ERC2: variants seen among roughly 807,000 people sequenced by gnomAD.
The protein encoded by ERC2 is ERC protein 2.
In ERC2, 42 loss-of-function variants were observed where a neutral mutation model predicts 114.8. That is an observed-to-expected ratio of 0.37 (90% CI 0.29 to 0.47). The LOEUF (loss-of-function observed/expected upper bound fraction) is 0.47. Ranked by LOEUF, ERC2 falls within the 20% of genes least tolerant of loss-of-function variation. ERC2 has a pLI of 0.99. For synonymous variants in ERC2, 454 were observed against 425.5 expected (o/e 1.07, Z -0.82); for missense variants, 939 against 1,150.7 (o/e 0.82, Z 2.66).
intron 15 of ERC2, among the ~76,000 whole-genome samples, chr3:55,706,124 T>C (rs1172638445): frequency 6.6e-6 from 1 of 152,118 alleles, no homozygotes. Context: ...GGGAAGGAGA[T>C]GGTACATAAA....
chr3:55,832,067 T>C (rs901397127), intron 14 of ERC2, among the ~76,000 whole-genome samples: 2 of 152,198 alleles, frequency 1.3e-5, no homozygotes, highest in Non-Finnish European at 2.9e-5. Flanking sequence ...GCGCCCGCCA[T>C]TGCCCAGGCT....
chr3:55,558,918 C>A (rs968497974), intron 17 of ERC2, among the ~76,000 whole-genome samples: 1 of 152,136 alleles, frequency 6.6e-6, no homozygotes, highest in African/African-American at 2.4e-5. Flanking sequence ...TGCAGATGAC[C>A]AAAAGTGGGT....
intron 3 of ERC2, among the ~76,000 whole-genome samples, chr3:56,248,426 T>G (rs1432211713): frequency 6.6e-6 from 1 of 152,160 alleles, no homozygotes; most frequent in African/African-American, 2.4e-5. Context: ...AAAAATGGGA[T>G]TTAGCCACAA....
At chr3:55,720,263 G>C (rs9872434) in intron 15 of ERC2, among the ~76,000 whole-genome samples, 15,760 of 16,084 alleles carry the variant, frequency 0.98, 7,742 homozygotes, top group Middle Eastern at 1. Flanking sequence ...CTCTCTCTCT[G>C]TCTATCTCTC....
chr3:56,422,944 C>T (rs750183846), intron 2 of ERC2, among the ~76,000 whole-genome samples: 3 of 152,110 alleles, frequency 2.0e-5, no homozygotes, highest in East Asian at 1.9e-4. Context: ...CAGACATGGA[C>T]GAAAACCACC....
At chr3:55,993,035 TG>T (rs2071199328) in intron 10 of ERC2, among the ~76,000 whole-genome samples, 1 of 152,050 alleles carries the variant, frequency 6.6e-6, no homozygotes, top group Non-Finnish European at 1.5e-5. Flanking sequence ...TTTGTGGGTT[TG>T]TGTGTGAGAG....
At chr3:56,051,301 T>G (rs1161556699) in intron 7 of ERC2, among the ~76,000 whole-genome samples, 4 of 152,212 alleles carry the variant, frequency 2.6e-5, no homozygotes, top group African/African-American at 9.7e-5. Flanking sequence ...TTTAACATTT[T>G]TCATTTCAAA....
At chr3:55,599,031 T>A (rs1286582784) in intron 17 of ERC2, among the ~76,000 whole-genome samples, 1 of 152,222 alleles carries the variant, frequency 6.6e-6, no homozygotes, top group African/African-American at 2.4e-5. Flanking sequence ...AAATTTATCA[T>A]GGAAGACAGG....
chr3:56,460,964 C>CA (rs35313545), intron 1 of ERC2, among the ~76,000 whole-genome samples: 46,097 of 98,106 alleles, frequency 0.47, 10,071 homozygotes, highest in African/African-American at 0.57. Flanking sequence ...ACTAAAAATA[C>CA]AAAAAAAAAA....
chr3:56,258,412 CT>C (rs2052667646), intron 3 of ERC2, among the ~76,000 whole-genome samples: 1 of 152,126 alleles, frequency 6.6e-6, no homozygotes, highest in African/African-American at 2.4e-5. Context: ...AATCCCAGCA[CT>C]TTGGGAGGTG....
intron 7 of ERC2, among the ~76,000 whole-genome samples, chr3:56,075,857 T>C (rs1388425820): frequency 1.3e-5 from 2 of 152,222 alleles, no homozygotes; most frequent in Non-Finnish European, 2.9e-5. Flanking sequence ...CTCCACACTT[T>C]ACTTCAATTT....
intron 14 of ERC2, among the ~76,000 whole-genome samples, chr3:55,881,115 C>T (rs1439260300): frequency 6.6e-6 from 1 of 152,130 alleles, no homozygotes; most frequent in East Asian, 1.9e-4. Flanking sequence ...TGTGATTTGT[C>T]TTTTCTCATG....
chr3:55,937,589 G>T (rs2066527182), intron 13 of ERC2, among the ~76,000 whole-genome samples: 1 of 152,106 alleles, frequency 6.6e-6, no homozygotes, highest in South Asian at 2.1e-4. Context: ...CCTCCAGGGG[G>T]GTCACTGACT....
chr3:56,455,090 T>C (rs2063005330), intron 1 of ERC2, among the ~76,000 whole-genome samples: 1 of 152,030 alleles, frequency 6.6e-6, no homozygotes, highest in African/African-American at 2.4e-5. Context: ...AGTTTCAGTA[T>C]GGGATGATGA....
intron 13 of ERC2, among the ~76,000 whole-genome samples, chr3:55,933,212 A>G (rs1050081640): frequency 1.3e-5 from 2 of 151,678 alleles, no homozygotes; most frequent in African/African-American, 4.8e-5. Flanking sequence ...TTGTCTCAAA[A>G]AAAAAAAAAA....
intron 1 of ERC2, among the ~76,000 whole-genome samples, chr3:56,441,984 G>A (rs2062334085): frequency 1.3e-5 from 2 of 152,152 alleles, no homozygotes; most frequent in African/African-American, 2.4e-5. Flanking sequence ...TCCAGCCTGG[G>A]CAACAAAGTG....
chr3:55,605,617 T>C (rs985780171), intron 17 of ERC2, among the ~76,000 whole-genome samples: 7 of 152,234 alleles, frequency 4.6e-5, no homozygotes, highest in African/African-American at 7.2e-5. Context: ...AGTTTAATTA[T>C]AAAATTAAGT....
At chr3:56,385,558 T>G (rs1000043486) in intron 2 of ERC2, among the ~76,000 whole-genome samples, 3 of 152,198 alleles carry the variant, frequency 2.0e-5, no homozygotes, top group Non-Finnish European at 2.9e-5. Flanking sequence ...ACATGATATG[T>G]GTTTCTTAAA....
At chr3:55,821,218 G>T (rs992299968) in intron 14 of ERC2, among the ~76,000 whole-genome samples, 2 of 152,142 alleles carry the variant, frequency 1.3e-5, no homozygotes, top group African/African-American at 4.8e-5. Flanking sequence ...ATGATTGCTT[G>T]CTTTAACAAG....
Sources: gnomAD v4.1 joint callset for allele counts (sites outside exome capture counted in the v4.1 genomes callset) on GRCh38, gnomAD v4.1.1 for gene constraint, MANE v1.5 for transcripts, NCBI Gene and HGNC (gene_info 2026-07-23, HGNC 2026-07-21) for gene names.